Variants in CDKAL1 observed in about 807,000 individuals in gnomAD.
The protein encoded by CDKAL1 is threonylcarbamoyladenosine tRNA methylthiotransferase.
Under a neutral mutation model 68.2 loss-of-function variants are expected in CDKAL1, and 32 were observed. That is an observed-to-expected ratio of 0.47 (90% CI 0.35 to 0.63). CDKAL1 has a LOEUF of 0.63. Ranked by LOEUF, CDKAL1 falls within the 30% of genes least tolerant of loss-of-function variation. CDKAL1 has a pLI of 0.00. For missense variants in CDKAL1, 606 were observed against 696.7 expected (o/e 0.87, Z 1.47); for synonymous variants, 234 against 244.3 (o/e 0.96, Z 0.39).
intron 15 of CDKAL1, among the ~76,000 whole-genome samples, chr6:21,205,022 C>G (rs1478946330): frequency 6.6e-6 from 1 of 152,182 alleles, no homozygotes; most frequent in African/African-American, 2.4e-5. Context: ...TTTGGTACCT[C>G]ATATCAGTGG....
chr6:21,096,013 T>C (rs983415289), intron 12 of CDKAL1, among the ~76,000 whole-genome samples: 1 of 152,160 alleles, frequency 6.6e-6, no homozygotes, highest in African/African-American at 2.4e-5. Context: ...ATAGAAATGA[T>C]TTTTTACAGT....
At chr6:20,941,539 T>G (rs1763972458) in intron 9 of CDKAL1, among the ~76,000 whole-genome samples, 1 of 152,214 alleles carries the variant, frequency 6.6e-6, no homozygotes, top group Non-Finnish European at 1.5e-5. Flanking sequence ...AATTCTTATT[T>G]TAAAAAATTG....
chr6:20,538,230 CT>C (rs551140905), intron 2 of CDKAL1, among the ~76,000 whole-genome samples: 5,158 of 143,764 alleles, frequency 0.036, 98 homozygotes, highest in Non-Finnish European at 0.047. Context: ...ATTCTTTCCT[CT>C]TTTTTTTTTT....
chr6:20,964,208 A>C (rs1024335980), intron 10 of CDKAL1, among the ~76,000 whole-genome samples: 1 of 152,232 alleles, frequency 6.6e-6, no homozygotes, highest in Non-Finnish European at 1.5e-5. Flanking sequence ...TACACTGTGG[A>C]TGGAAGTGTA....
intron 9 of CDKAL1, among the ~76,000 whole-genome samples, chr6:20,883,282 C>T (rs1040436693): frequency 3.9e-5 from 6 of 152,228 alleles, no homozygotes; most frequent in African/African-American, 7.2e-5. Context: ...TTCTCTCATA[C>T]GTTGTCTTCC....
intron 13 of CDKAL1, among the ~76,000 whole-genome samples, chr6:21,123,876 A>T (rs569490441): frequency 6.6e-6 from 1 of 152,368 alleles, no homozygotes; most frequent in East Asian, 1.9e-4. Flanking sequence ...GCTTAGAACA[A>T]CAGATTTAAA....
chr6:20,703,097 A>G (rs1362084985), intron 5 of CDKAL1, among the ~76,000 whole-genome samples: 1 of 152,002 alleles, frequency 6.6e-6, no homozygotes, highest in Non-Finnish European at 1.5e-5. Flanking sequence ...TAAAAACAAA[A>G]CCTCCATTGT....
intron 13 of CDKAL1, among the ~76,000 whole-genome samples, chr6:21,196,640 G>T: frequency 6.6e-6 from 1 of 152,136 alleles, no homozygotes; most frequent in South Asian, 2.1e-4. Context: ...TAATTGTTAG[G>T]TGGTCTATTT....
chr6:20,869,071 C>G (rs1202398002), intron 9 of CDKAL1, among the ~76,000 whole-genome samples: 1 of 152,120 alleles, frequency 6.6e-6, no homozygotes, highest in East Asian at 1.9e-4. Flanking sequence ...TTCTTCTGTC[C>G]CCTAAGTCTG....
At chr6:20,930,213 T>C (rs1205312471) in intron 9 of CDKAL1, among the ~76,000 whole-genome samples, 3 of 152,062 alleles carry the variant, frequency 2.0e-5, no homozygotes, top group African/African-American at 7.2e-5. Flanking sequence ...CCAGAATTTA[T>C]TTCATTGTTT....
At chr6:20,672,730 T>C (rs1769906146) in intron 5 of CDKAL1, among the ~76,000 whole-genome samples, 1 of 152,158 alleles carries the variant, frequency 6.6e-6, no homozygotes, top group African/African-American at 2.4e-5. Context: ...GTATCATCTG[T>C]GTAACTCCAT....
At chr6:21,223,849 C>T (rs1444599344) in intron 15 of CDKAL1, among the ~76,000 whole-genome samples, 1 of 152,180 alleles carries the variant, frequency 6.6e-6, no homozygotes, top group African/African-American at 2.4e-5. Context: ...GCTAGCTCAG[C>T]AAGTCTGTTA....
rs538514075 is a variant in CDKAL1, at chr6:21,099,970, G to C, written c.1237-8431G>C. Among the ~76,000 whole-genome samples the C allele has an allele frequency of 3.1e-4, 47 of 152,284 alleles. No homozygotes were observed. In the Middle Eastern group the frequency reaches 0.01, roughly 33 times the overall value. ...AGAAATGTTCTCTTTAGAAAATAAAGTGAGCTTGATAGGAGAAGGTATGGC... is the reference window on the plus strand; with the variant it reads ...AGAAATGTTCTCTTTAGAAAATAAACTGAGCTTGATAGGAGAAGGTATGGC... On this transcript the variant is annotated intron_variant, in intron 12 of 15. Transcript: ENST00000274695.
chr6:21,148,645 T>C (rs1005903380), intron 13 of CDKAL1, among the ~76,000 whole-genome samples: 1 of 152,184 alleles, frequency 6.6e-6, no homozygotes, highest in Non-Finnish European at 1.5e-5. Flanking sequence ...TACTAGTAAC[T>C]ACTGCTTCAG....
intron 8 of CDKAL1, among the ~76,000 whole-genome samples, chr6:20,799,040 G>GT (rs754008816): frequency 0.037 from 1,770 of 47,360 alleles, 504 homozygotes; most frequent in East Asian, 0.12. Flanking sequence ...AAAGAACTGA[G>GT]TTTTTTTTTT....
intron 15 of CDKAL1, among the ~76,000 whole-genome samples, chr6:21,209,218 A>T (rs1390270480): frequency 1.3e-5 from 2 of 151,362 alleles, no homozygotes; most frequent in African/African-American, 4.9e-5. Flanking sequence ...ACACACCCAC[A>T]TAGAGGCATC....
chr6:21,005,420 G>A (rs1260728861), intron 11 of CDKAL1, among the ~76,000 whole-genome samples: 1 of 152,194 alleles, frequency 6.6e-6, no homozygotes, highest in Non-Finnish European at 1.5e-5. Context: ...CCTACGGATA[G>A]ATATTTAGGA....
intron 9 of CDKAL1, among the ~76,000 whole-genome samples, chr6:20,866,852 G>A (rs1759934523): frequency 6.6e-6 from 1 of 152,208 alleles, no homozygotes; most frequent in African/African-American, 2.4e-5. Flanking sequence ...TCCCAATGCA[G>A]ATTACAGGTA....
chr6:20,911,922 A>G (rs1762485663), intron 9 of CDKAL1, among the ~76,000 whole-genome samples: 1 of 152,016 alleles, frequency 6.6e-6, no homozygotes, highest in African/African-American at 2.4e-5. Flanking sequence ...GGCTCATGAG[A>G]TTTATTATTT....
Sources: allele counts gnomAD v4.1 joint callset (sites outside exome capture counted in the v4.1 genomes callset), GRCh38; gene constraint gnomAD v4.1.1; transcripts MANE v1.5; gene names NCBI Gene and HGNC (gene_info 2026-07-23, HGNC 2026-07-21).